The following DDX4 variants were observed in gnomAD, a reference collection of about 807,000 sequenced individuals.
DDX4 encodes DEAD-box helicase 4.
A neutral mutation model predicts 100.0 loss-of-function variants in DDX4; 25 were observed. The observed-to-expected ratio is 0.25, with a 90% CI of 0.18 to 0.35. DDX4 has a LOEUF of 0.35. Ranked by LOEUF, DDX4 falls within the 10% of genes least tolerant of loss-of-function variation. The pLI, the probability that DDX4 is intolerant of heterozygous loss-of-function variation, is 1.00. For missense variants in DDX4, 635 were observed against 882.4 expected (o/e 0.72, Z 3.55); for synonymous variants, 259 against 275.7 (o/e 0.94, Z 0.60).
intron 5 of DDX4, among the ~76,000 whole-genome samples, chr5:55,763,767 A>G (rs1454980762): frequency 1.3e-5 from 2 of 152,154 alleles, no homozygotes; most frequent in African/African-American, 2.4e-5. Flanking sequence ...CATACAGAGG[A>G]GTATATGACA....
intron 3 of DDX4, among the ~76,000 whole-genome samples, chr5:55,758,868 TAAAAAAAAAAAAAAAAAA>T (rs35392036): frequency 1.3e-4 from 9 of 70,314 alleles, no homozygotes; most frequent in Non-Finnish European, 5.6e-5. Context: ...TTTGTTTCCT[TAAAAAAAAAAAAAAAAAA>T]AAAAAAAAAA....
intron 18 of DDX4, among the ~76,000 whole-genome samples, chr5:55,799,436 C>T (rs753750568): frequency 6.6e-6 from 1 of 152,138 alleles, no homozygotes; most frequent in Non-Finnish European, 1.5e-5. Flanking sequence ...AGTGCAGTAG[C>T]ATGACCATGG....
chr5:55,794,898 A>C (rs1411250248), intron 17 of DDX4, among the ~76,000 whole-genome samples: 1 of 151,240 alleles, frequency 6.6e-6, no homozygotes, highest in Non-Finnish European at 1.5e-5. Flanking sequence ...CTTGGCTTCT[A>C]CTTATACCTG....
intron 18 of DDX4, among the ~76,000 whole-genome samples, chr5:55,811,091 G>T (rs757052854): frequency 6.7e-6 from 1 of 149,410 alleles, no homozygotes; most frequent in Non-Finnish European, 1.5e-5. Context: ...TTACAAGGAA[G>T]GTAAAGAATA....
intron 3 of DDX4, among the ~76,000 whole-genome samples, chr5:55,758,702 T>G (rs1164725850): frequency 1.3e-5 from 2 of 151,900 alleles, no homozygotes; most frequent in African/African-American, 4.8e-5. Context: ...TCTTTGAGAT[T>G]CTTTTTAAAC....
intron 13 of DDX4, among the ~76,000 whole-genome samples, chr5:55,786,173 G>A (rs1305981635): frequency 6.6e-6 from 1 of 152,118 alleles, no homozygotes. Context: ...GTGTGTCTTA[G>A]GGCAGTGATT....
chr5:55,791,970 A>AC (rs1281894199), intron 16 of DDX4, among the ~76,000 whole-genome samples: 16 of 152,056 alleles, frequency 1.1e-4, no homozygotes, highest in African/African-American at 3.6e-4. Flanking sequence ...ACACACACAC[A>AC]AAAATTAGCC....
chr5:55,756,191 T>G (rs1580526260), intron 3 of DDX4, among the ~76,000 whole-genome samples: 1 of 152,172 alleles, frequency 6.6e-6, no homozygotes, highest in African/African-American at 2.4e-5. Flanking sequence ...TTTCGGTGGA[T>G]ATAAAAATCT....
intron 4 of DDX4, 46 bp from the exon 5 acceptor site, chr5:55,763,129 A>T (rs1457526989): frequency 2.4e-6 from 3 of 1,253,460 alleles, no homozygotes; most frequent in Non-Finnish European, 3.5e-6. Context: ...ATGATGACAC[A>T]CTTAATTTTA....
chr5:55,775,420 G>T (rs565526079), intron 7 of DDX4, among the ~76,000 whole-genome samples: 1 of 152,188 alleles, frequency 6.6e-6, no homozygotes, highest in Admixed American at 6.5e-5. Context: ...TGCGAAATTT[G>T]CTGTTTAAAA....
At chr5:55,799,216 C>T (rs1024076077) in intron 18 of DDX4, among the ~76,000 whole-genome samples, 47 of 152,064 alleles carry the variant, frequency 3.1e-4, no homozygotes, top group Middle Eastern at 3.4e-3. Context: ...TATAGGCATG[C>T]GCTACCATGC....
intron 13 of DDX4, among the ~76,000 whole-genome samples, chr5:55,786,259 A>T (rs906297286): frequency 6.6e-6 from 1 of 152,246 alleles, no homozygotes; most frequent in Admixed American, 6.5e-5. Context: ...AGAATTCTTC[A>T]TATCTCATAG....
chr5:55,801,437 G>A (rs1229963576), intron 18 of DDX4, among the ~76,000 whole-genome samples: 1 of 152,138 alleles, frequency 6.6e-6, no homozygotes, highest in Non-Finnish European at 1.5e-5. Context: ...TCACATTTCA[G>A]GGGAAAACTT....
At chr5:55,765,746 T>C (rs1164959692) in intron 6 of DDX4, among the ~76,000 whole-genome samples, 2 of 152,140 alleles carry the variant, frequency 1.3e-5, no homozygotes, top group African/African-American at 4.8e-5. Flanking sequence ...TGTGAAACTT[T>C]AGACTAAAGT....
chr5:55,741,910 G>A (rs1758999100), intron 2 of DDX4, among the ~76,000 whole-genome samples: 1 of 152,090 alleles, frequency 6.6e-6, no homozygotes, highest in Non-Finnish European at 1.5e-5. Flanking sequence ...ACTGAATTTG[G>A]TTTTCAAGAA....
intron 10 of DDX4, among the ~76,000 whole-genome samples, chr5:55,782,869 C>T (rs1466046855): frequency 7.0e-6 from 1 of 143,766 alleles, no homozygotes; most frequent in Non-Finnish European, 1.5e-5. Context: ...GATCTCGGCT[C>T]ACTGCAACTA....
At chr5:55,777,285 A>C (rs1741624243) in intron 7 of DDX4, among the ~76,000 whole-genome samples, 2 of 152,212 alleles carry the variant, frequency 1.3e-5, no homozygotes, top group Non-Finnish European at 2.9e-5. Context: ...ATCATAATAT[A>C]GGTAAGCATA....
chr5:55,760,516 G>A (rs1004746081), intron 4 of DDX4, among the ~76,000 whole-genome samples: 6 of 152,114 alleles, frequency 3.9e-5, no homozygotes, highest in Admixed American at 6.6e-5. Flanking sequence ...GGATGGATGG[G>A]TTGGATGGAT....
At chr5:55,792,270 A>G (rs1311421786) in intron 16 of DDX4, among the ~76,000 whole-genome samples, 3 of 152,042 alleles carry the variant, frequency 2.0e-5, no homozygotes, top group Admixed American at 2.0e-4. Flanking sequence ...GAACTGAAAT[A>G]TACAGTAATA....
Sources: gnomAD v4.1 joint callset for allele counts (sites outside exome capture counted in the v4.1 genomes callset) on GRCh38, gnomAD v4.1.1 for gene constraint, MANE v1.5 for transcripts, NCBI Gene and HGNC (gene_info 2026-07-23, HGNC 2026-07-21) for gene names.